Variants in SRCIN1 observed in about 807,000 individuals in gnomAD.
SRCIN1 encodes P130Cas-associated protein.
Under a neutral mutation model 116.2 loss-of-function variants are expected in SRCIN1, and 50 were observed. The ratio of observed to expected loss-of-function variants is 0.43; its 90% CI spans 0.34 to 0.54. The LOEUF (loss-of-function observed/expected upper bound fraction) is 0.54. SRCIN1 is among the 20% of genes least tolerant of loss of function. The pLI, the probability that SRCIN1 is intolerant of heterozygous loss-of-function variation, is 0.02. For missense variants in SRCIN1, 1,446 were observed against 1,672.0 expected (o/e 0.86, Z 2.36); for synonymous variants, 736 against 750.0 (o/e 0.98, Z 0.30).
chr17:38,561,347 C>T, intron 7 of SRCIN1, 116 bp downstream of exon 7: 1 of 1,282,696 alleles, frequency 7.8e-7, no homozygotes, highest in Non-Finnish European at 1.0e-6. Flanking sequence ...CTCAAGGTCT[C>T]CAAAGGACTC....
At chr17:38,546,970 C>T (rs1212370033) in intron 17 of SRCIN1, among the ~76,000 whole-genome samples, 2 of 152,248 alleles carry the variant, frequency 1.3e-5, no homozygotes, top group African/African-American at 4.8e-5. Flanking sequence ...AGACCTTCCC[C>T]CTCCCCTCCT....
intron 11 of SRCIN1, among the ~76,000 whole-genome samples, chr17:38,555,837 G>C (rs946590565): frequency 1.3e-5 from 2 of 152,206 alleles, no homozygotes; most frequent in Non-Finnish European, 2.9e-5. Context: ...ACTGGTCCAG[G>C]CTGTGCCAGT....
chr17:38,586,966 AT>A (rs1908147025), intron 1 of SRCIN1, among the ~76,000 whole-genome samples: 1 of 150,486 alleles, frequency 6.6e-6, no homozygotes, highest in South Asian at 2.1e-4. Context: ...GGGAGAGCAG[AT>A]TTGAGGGGGT....
chr17:38,567,212 C>A (rs1906777400), intron 3 of SRCIN1, among the ~76,000 whole-genome samples: 1 of 152,170 alleles, frequency 6.6e-6, no homozygotes. Flanking sequence ...GCCTTTTTTC[C>A]CTATCTTTAC....
Position 38,568,387 on chromosome 17 carries a change from A to G in SRCIN1, c.325-156T>C, listed in dbSNP as rs1219815424. ...GCAGGAATGAAGTCATGCCTGGTAC[A>G]TCCATTCTCTACTGAGACCTGGAAC... On this transcript the variant is annotated intron_variant, in intron 2 of 18. Transcript: ENST00000617146. The surrounding 1 kb of genome is among the most constrained non-coding windows in gnomAD (Gnocchi z 4.5). Among the ~76,000 whole-genome samples, 1 of 152,208 alleles carries G rather than the reference A, an allele frequency of 6.6e-6. No homozygotes were observed. Among genetic ancestry groups the G allele is most frequent in the Non-Finnish European group, 1.5e-5 (1 of 68,034 alleles).
intron 18 of SRCIN1, chr17:38,541,838 T>G (rs1032489065): frequency 2.0e-5 from 3 of 152,472 alleles, no homozygotes; most frequent in Non-Finnish European, 4.4e-5. Flanking sequence ...TAGTCTCAGC[T>G]GCTCGGGAGG....
chr17:38,533,078 A>T lies in SRCIN1; in HGVS notation c.*219T>A. 2.4e-6 allele frequency: 1 copy of T among 423,250 alleles called. No homozygotes were observed. The highest frequency in any genetic ancestry group is 3.9e-6 in the Non-Finnish European group (1 of 253,812). 26.2% of individuals were successfully genotyped at this position (423,250 alleles called of 1,614,324 possible). On this transcript the variant is annotated 3_prime_UTR_variant, in exon 19 of 19. Transcript: ENST00000617146. ...TTAGTTTTACTGTTTAAAAAAAGAT[A>T]ATTAAAAGTTAATTGTTAAAAAAAA...
In SRCIN1 at chr17:38,533,163, G is replaced by T; in HGVS notation, c.*134C>A. ...TGGGTAGGGGTCGCTGAGGAGGGCC[G>T]CACCCTCCTCTTCAGGGCACACCCC... On this transcript the variant is annotated 3_prime_UTR_variant, in exon 19 of 19. Transcript: ENST00000617146. 1 of 1,024,230 alleles carries T rather than the reference G, an allele frequency of 9.8e-7. No individual in the cohort carries two copies. Among genetic ancestry groups the T allele is most frequent in the East Asian group, 3.3e-5 (1 of 29,958 alleles). 63.4% of individuals were successfully genotyped at this position (1,024,230 alleles called of 1,614,324 possible).
At chr17:38,540,770 T>TGTGA (rs1016354919) in intron 18 of SRCIN1, among the ~76,000 whole-genome samples, 1 of 144,976 alleles carries the variant, frequency 6.9e-6, no homozygotes, top group African/African-American at 2.7e-5. Context: ...TGTGTGTGTG[T>TGTGA]GTGACACACA....
intron 3 of SRCIN1, among the ~76,000 whole-genome samples, chr17:38,566,650 C>T (rs540256450): frequency 1.7e-4 from 26 of 152,264 alleles, no homozygotes; most frequent in African/African-American, 6.3e-4. Context: ...TTCCAGGACC[C>T]CATATTCACT....
At chr17:38,566,985 C>T (rs937869062) in intron 3 of SRCIN1, among the ~76,000 whole-genome samples, 2 of 151,092 alleles carry the variant, frequency 1.3e-5, no homozygotes, top group Non-Finnish European at 2.9e-5. Flanking sequence ...GAGATAGGGC[C>T]TCCCTCTGTC....
rs1237523219 is a variant in SRCIN1, at chr17:38,530,863, C to A, written c.*2434G>T. ...ACCTATGTGCCCACGCCTTCCCCCA[C>A]ACATGTGCTCGGCCATGCCTGTGGG... is the stretch of plus-strand genomic sequence containing the variant. On this transcript the variant is annotated 3_prime_UTR_variant, in exon 19 of 19. Transcript: ENST00000617146. 6.6e-6 allele frequency: 1 copy of A among 152,302 alleles called. No homozygotes were observed. Among genetic ancestry groups the A allele is most frequent in the Non-Finnish European group, 1.5e-5 (1 of 68,090 alleles). 9.4% of individuals were successfully genotyped at this position (152,302 alleles called of 1,614,324 possible). A position where few individuals can be genotyped will look rare whatever the true frequency, so the allele number is the denominator to read the frequency against.
At chr17:38,536,127 G>A (rs578107277) in intron 18 of SRCIN1, among the ~76,000 whole-genome samples, 3 of 152,116 alleles carry the variant, frequency 2.0e-5, no homozygotes, top group Non-Finnish European at 2.9e-5. Flanking sequence ...CCTCGTCCCC[G>A]TCCCGCTTCT....
At chr17:38,601,935 G>T (rs1199948049) in intron 1 of SRCIN1, among the ~76,000 whole-genome samples, 2 of 152,080 alleles carry the variant, frequency 1.3e-5, no homozygotes, top group Non-Finnish European at 2.9e-5. Context: ...GAGAGAGACA[G>T]CAGGAAGGGC....
At chr17:38,588,327 C>T (rs1453638606) in intron 1 of SRCIN1, among the ~76,000 whole-genome samples, 3 of 152,366 alleles carry the variant, frequency 2.0e-5, no homozygotes, top group African/African-American at 4.8e-5. Flanking sequence ...ATGTCACCCC[C>T]AGTCTGAAGC....
At chr17:38,551,415 T>A (rs768418828) in intron 14 of SRCIN1, 26 bp from the exon 15 acceptor site, 4 of 1,571,114 alleles carry the variant, frequency 2.5e-6, no homozygotes, top group Non-Finnish European at 3.5e-6. Flanking sequence ...GGAGTCAGGA[T>A]TGAGGTAGCT....
intron 1 of SRCIN1, among the ~76,000 whole-genome samples, chr17:38,597,365 C>CA (rs1351452706): frequency 6.6e-6 from 1 of 152,144 alleles, no homozygotes; most frequent in Non-Finnish European, 1.5e-5. Context: ...TCTGGGTTTT[C>CA]AAAAAATCTA....
chr17:38,597,800 T>A (rs887044964), intron 1 of SRCIN1, among the ~76,000 whole-genome samples: 1 of 152,178 alleles, frequency 6.6e-6, no homozygotes, highest in Non-Finnish European at 1.5e-5. Context: ...TTATCTCCTA[T>A]GGGCAATAAG....
At position 38,604,602 on chromosome 17, in the gene SRCIN1, TG is replaced by T. The variant is rs1909250162; in HGVS notation, c.22+1081del. ...CGCCGGAGGCACTGCCAGGGCTGCA[TG>T]GGGACGCGTGGGGCTGGGGGACGAG... On this transcript the variant is annotated intron_variant, in intron 1 of 18. Coordinates refer to ENST00000617146, the MANE Select transcript of SRCIN1 (RefSeq NM_025248.3). The surrounding 1 kb of genome is among the most constrained non-coding windows in gnomAD (Gnocchi z 4.3). 1 of 442,674 alleles carries T rather than the reference TG, an allele frequency of 2.3e-6. No homozygotes were observed. The highest frequency in any genetic ancestry group is 4.5e-6 in the Non-Finnish European group (1 of 221,128). 27.4% of individuals were successfully genotyped at this position (442,674 alleles called of 1,614,324 possible).
Sources: allele counts gnomAD v4.1 joint callset (sites outside exome capture counted in the v4.1 genomes callset), GRCh38; gene constraint gnomAD v4.1.1; non-coding constraint Gnocchi (gnomAD v3.1); transcripts MANE v1.5; gene names NCBI Gene and HGNC (gene_info 2026-07-23, HGNC 2026-07-21).